The following SDK1 variants were observed in gnomAD, a reference collection of about 807,000 sequenced individuals.
SDK1 encodes protein sidekick-1.
A neutral mutation model predicts 245.5 loss-of-function variants in SDK1; 157 were observed. That is an observed-to-expected ratio of 0.64 (90% CI 0.56 to 0.73). SDK1 has a LOEUF of 0.73. Among genes scored for constraint, SDK1 ranks in the 30% least tolerant of loss-of-function variants. SDK1 has a pLI of 0.00. For missense variants in SDK1, 3,583 were observed against 3,002.3 expected, an observed-to-expected ratio of 1.19 and a Z score of -4.52; for synonymous variants, 1,647 against 1,278.5, an observed-to-expected ratio of 1.29 and a Z score of -6.15.
chr7:3,961,212 C>T (rs1781655052), intron 8 of SDK1, among the ~76,000 whole-genome samples: 2 of 152,178 alleles, frequency 1.3e-5, no homozygotes, highest in South Asian at 4.1e-4. Context: ...GTGGTTATTC[C>T]TTATGAAAGT....
chr7:4,091,334 C>CTTTTCTCTTTT (rs1259034611), intron 22 of SDK1, among the ~76,000 whole-genome samples: 1 of 108,260 alleles, frequency 9.2e-6, no homozygotes, highest in Non-Finnish European at 1.8e-5. Context: ...CTTTTCTTTT[C>CTTTTCTCTTTT]TTTTTTTTTT....
intron 14 of SDK1, among the ~76,000 whole-genome samples, chr7:3,988,079 T>A (rs1304957894): frequency 3.3e-5 from 5 of 151,682 alleles, no homozygotes; most frequent in Non-Finnish European, 7.4e-5. Flanking sequence ...TGTATCGGGT[T>A]GTCTCACGGC....
intron 5 of SDK1, among the ~76,000 whole-genome samples, chr7:3,901,072 C>G (rs1292951715): frequency 4.6e-5 from 7 of 152,108 alleles, no homozygotes. Context: ...TTCATTTTTT[C>G]TCAACATTGA....
At chr7:3,694,809 A>G (rs1021144259) in intron 4 of SDK1, among the ~76,000 whole-genome samples, 8 of 152,310 alleles carry the variant, frequency 5.3e-5, no homozygotes, top group African/African-American at 1.9e-4. Flanking sequence ...GAACCATTGC[A>G]CTAGAACAGG....
chr7:3,334,978 A>AT (rs1268507141), intron 1 of SDK1, among the ~76,000 whole-genome samples: 1 of 151,578 alleles, frequency 6.6e-6, no homozygotes, highest in South Asian at 2.1e-4. Context: ...GTTATCCTTC[A>AT]TTTTTTTTCT....
chr7:3,354,566 T>C (rs553163662), intron 1 of SDK1, among the ~76,000 whole-genome samples: 28 of 152,220 alleles, frequency 1.8e-4, no homozygotes, highest in South Asian at 4.1e-4. Flanking sequence ...AGTGTATTAA[T>C]AGCTCCTGAA....
chr7:3,675,651 G>A (rs1226380293), intron 4 of SDK1, among the ~76,000 whole-genome samples: 2 of 152,026 alleles, frequency 1.3e-5, no homozygotes, highest in Non-Finnish European at 2.9e-5. Flanking sequence ...ATAGCTCACT[G>A]CGGCCTGGAA....
chr7:3,681,690 C>G (rs1784105530), intron 4 of SDK1, among the ~76,000 whole-genome samples: 1 of 152,052 alleles, frequency 6.6e-6, no homozygotes, highest in African/African-American at 2.4e-5. Context: ...TCCCAAGTAT[C>G]TAGAACAGAA....
At chr7:3,365,484 A>G (rs962005166) in intron 1 of SDK1, among the ~76,000 whole-genome samples, 4 of 152,114 alleles carry the variant, frequency 2.6e-5, no homozygotes. Context: ...TAGCAGAAAA[A>G]TTCTTCCCCT....
At chr7:3,829,275 A>T (rs924594170) in intron 5 of SDK1, among the ~76,000 whole-genome samples, 4 of 152,240 alleles carry the variant, frequency 2.6e-5, no homozygotes, top group Non-Finnish European at 5.9e-5. Flanking sequence ...TGATCTAGGA[A>T]CAACAACTGT....
At chr7:4,005,926 A>T (rs1374657251) in intron 14 of SDK1, among the ~76,000 whole-genome samples, 2 of 151,552 alleles carry the variant, frequency 1.3e-5, no homozygotes, top group African/African-American at 4.9e-5. Flanking sequence ...AGCCTGGGGG[A>T]TGGAATGTAT....
chr7:3,900,658 T>C (rs1781756415), intron 5 of SDK1, among the ~76,000 whole-genome samples: 1 of 152,190 alleles, frequency 6.6e-6, no homozygotes, highest in Non-Finnish European at 1.5e-5. Flanking sequence ...GTGAATTAAC[T>C]GAATACCTGA....
chr7:3,578,354 C>G (rs1780368406), intron 1 of SDK1, among the ~76,000 whole-genome samples: 1 of 152,018 alleles, frequency 6.6e-6, no homozygotes, highest in South Asian at 2.1e-4. Flanking sequence ...AAAAGGAGAA[C>G]TAAGATCACG....
At chr7:4,081,916 CAT>C (rs796546216) in intron 22 of SDK1, among the ~76,000 whole-genome samples, 38 of 152,312 alleles carry the variant, frequency 2.5e-4, no homozygotes, top group African/African-American at 8.4e-4. Flanking sequence ...ACACATCACA[CAT>C]GTGTCTAAAA....
At chr7:4,102,954 TAA>T (rs34174910) in intron 22 of SDK1, among the ~76,000 whole-genome samples, 29,818 of 112,878 alleles carry the variant, frequency 0.26, 3,649 homozygotes, top group South Asian at 0.44. Context: ...TAAAAAAAGT[TAA>T]AAAAAAAAAA....
chr7:3,554,237 A>T (rs549479383), intron 1 of SDK1, among the ~76,000 whole-genome samples: 1 of 152,286 alleles, frequency 6.6e-6, no homozygotes, highest in East Asian at 1.9e-4. Flanking sequence ...AACCAAACTC[A>T]TGCGGAGTGC....
chr7:3,974,565 G>T lies in SDK1; in HGVS notation c.1994+20G>T, dbSNP rs1019187312. 5.0e-6 allele frequency: 8 copies of T among 1,606,838 alleles called. No homozygotes were observed. The highest frequency in any genetic ancestry group is 6.8e-6 in the Non-Finnish European group (8 of 1,173,952). On this transcript the variant is annotated intron_variant, in intron 13 of 44. Coordinates refer to ENST00000404826, the MANE Select transcript of SDK1 (RefSeq NM_152744.4). ...AGTGATGTGAGTACTGAGACGTTTG[G>T]TGTTAGCCAGTCCGCGGTTTTCTCC...
intron 1 of SDK1, among the ~76,000 whole-genome samples, chr7:3,410,924 C>G (rs1045257840): frequency 2.0e-5 from 3 of 151,994 alleles, no homozygotes; most frequent in Non-Finnish European, 2.9e-5. Context: ...TCTCACCTGC[C>G]TTTGTGGAAA....
At chr7:3,958,178 A>C (rs532186651) in intron 7 of SDK1, 2 of 339,080 alleles carry the variant, frequency 5.9e-6, no homozygotes, top group African/African-American at 4.4e-5. Context: ...GAAAGTGAAC[A>C]CAACAGCCTT....
Sources: gnomAD v4.1 joint callset for allele counts (sites outside exome capture counted in the v4.1 genomes callset) on GRCh38, gnomAD v4.1.1 for gene constraint, MANE v1.5 for transcripts, NCBI Gene and HGNC (gene_info 2026-07-23, HGNC 2026-07-21) for gene names.